The following ZNF716 variants were observed in gnomAD, a reference collection of about 807,000 sequenced individuals.
ZNF716 encodes zinc finger protein 716.
In ZNF716, 9 loss-of-function variants were observed where a neutral mutation model predicts 13.4. The observed-to-expected ratio is 0.67, with a 90% CI of 0.41 to 1.18. The LOEUF is 1.18. ZNF716 is among the 50% of genes most tolerant of loss of function. The pLI, the probability that ZNF716 is intolerant of heterozygous loss-of-function variation, is 0.01. For missense variants in ZNF716, 581 were observed against 576.6 expected (o/e 1.01, Z -0.08); for synonymous variants, 186 against 195.2 (o/e 0.95, Z 0.39).
chr7:57,458,147 C>T (rs1254486242), intron 1 of ZNF716, among the ~76,000 whole-genome samples: 1 of 152,148 alleles, frequency 6.6e-6, no homozygotes, highest in Admixed American at 6.5e-5. Context: ...GGTAGAATAA[C>T]TTACATTCAT....
chr7:57,463,844 T>C (rs1431671311), intron 3 of ZNF716, among the ~76,000 whole-genome samples: 4 of 152,054 alleles, frequency 2.6e-5, no homozygotes, highest in African/African-American at 9.7e-5. Flanking sequence ...TTGAAAAACA[T>C]TCATGATATT....
At chr7:57,458,245 T>C (rs1473395260) in intron 1 of ZNF716, among the ~76,000 whole-genome samples, 5 of 152,172 alleles carry the variant, frequency 3.3e-5, no homozygotes, top group Non-Finnish European at 5.9e-5. Flanking sequence ...CTTTTCTCAA[T>C]GTTTAAACAA....
At chr7:57,450,582 T>C (rs1393351614) in intron 1 of ZNF716, among the ~76,000 whole-genome samples, 1 of 152,096 alleles carries the variant, frequency 6.6e-6, no homozygotes, top group South Asian at 2.1e-4. Flanking sequence ...TGGGCAGCTC[T>C]ACACTCCCAG....
chr7:57,452,520 C>G (rs1554321714), intron 1 of ZNF716, among the ~76,000 whole-genome samples: 1 of 151,910 alleles, frequency 6.6e-6, no homozygotes, highest in African/African-American at 2.4e-5. Context: ...TGCCTGTAAT[C>G]CCAGCTACTC....
rs1554323447 is a variant in ZNF716, at chr7:57,463,164, C to A, written c.258C>A (p.His86Gln). Residue 86 changes from histidine (H) to glutamine (Q), a missense_variant, in exon 3 of 4, where the codon CAC becomes CAA. His to Gln is a conservative substitution (Grantham distance 24). Transcript: ENST00000420713. ...NIKRNEMVAK[H>Q]PVTCSHFTQD... ...AGAGAAATGAGATGGTAGCCAAACA[C>A]CCAGGTAGGTGAGAGCGAATGAAGC... is the stretch of plus-strand genomic sequence containing the variant. The A allele has an allele frequency of 6.2e-7, 1 of 1,607,312 alleles. No individual in the cohort carries two copies. Among genetic ancestry groups the A allele is most frequent in the Admixed American group, 1.7e-5 (1 of 59,914 alleles).
chr7:57,461,809 T>A (rs1789711919), intron 1 of ZNF716, among the ~76,000 whole-genome samples: 1 of 152,186 alleles, frequency 6.6e-6, no homozygotes, highest in African/African-American at 2.4e-5. Context: ...ATCATGAATG[T>A]TCTACCTGAG....
chr7:57,460,601 G>A (rs542771981), intron 1 of ZNF716, among the ~76,000 whole-genome samples: 2 of 151,488 alleles, frequency 1.3e-5, no homozygotes, highest in South Asian at 2.1e-4. Flanking sequence ...TCTTCATCTC[G>A]GGTTCTTGTA....
intron 3 of ZNF716, 27 bp from the exon 4 acceptor site, chr7:57,468,697 G>T: frequency 1.9e-6 from 3 of 1,579,606 alleles, no homozygotes; most frequent in Non-Finnish European, 2.6e-6. Flanking sequence ...AGTAAGTGGA[G>T]AAACTTGTGA....
rs142559520 is a variant in ZNF716 at position 57,456,465 on chromosome 7, T to C, written c.40-5995T>C. Among the ~76,000 whole-genome samples, 341 of 152,114 alleles carry C rather than the reference T, an allele frequency of 2.2e-3. 1 individual carries two copies. Among genetic ancestry groups the C allele is most frequent in the African/African-American group, 7.7e-3 (320 of 41,498 alleles). ...GATGAGACTGAGCTCTGAATTATGG[T>C]CTGTGCTGACTCCGGGTGGTATCAG... On this transcript the variant is annotated intron_variant, in intron 1 of 3. Transcript: ENST00000420713.
chr7:57,465,768 G>T (rs545171734), intron 3 of ZNF716, among the ~76,000 whole-genome samples: 36 of 152,244 alleles, frequency 2.4e-4, no homozygotes, highest in African/African-American at 8.4e-4. Flanking sequence ...CAATAGCGAA[G>T]ACTTGGAACT....
rs1554324489 is a variant in ZNF716, at chr7:57,468,701, C to T, written c.263-23C>T. The T allele has an allele frequency of 3.8e-6, 6 of 1,581,282 alleles. No individual in the cohort carries two copies. In the South Asian group the frequency reaches 7.1e-5, roughly 19 times the overall value. On this transcript the variant is annotated intron_variant, in intron 3 of 3. Transcript: ENST00000420713. ...TATCTGAGTGTAGTAAGTGGAGAAA[C>T]TTGTGATTTTTATGTCTTTCAGTTA...
At chr7:57,463,930 TTG>T (rs1438174080) in intron 3 of ZNF716, among the ~76,000 whole-genome samples, 3 of 152,040 alleles carry the variant, frequency 2.0e-5, no homozygotes, top group African/African-American at 7.2e-5. Context: ...TCAACATAGT[TTG>T]TGTTTTTAAA....
Position 57,462,445 on chromosome 7 carries a change from A to AT in ZNF716, c.40-9dup, listed in dbSNP as rs782770889. On this transcript the variant is annotated splice_polypyrimidine_tract_variant and intron_variant, in intron 1 of 3. Coordinates refer to ENST00000420713, the MANE Select transcript of ZNF716 (RefSeq NM_001159279.1). ...TCATGAGTGTTTTTTTTGTTTGTTT[A>AT]TTTTTTGTTTTTAGGGACTGTTGAC... 1 of 1,611,124 alleles carries AT rather than the reference A, an allele frequency of 6.2e-7. No individual in the cohort carries two copies. Among genetic ancestry groups the AT allele is most frequent in the Non-Finnish European group, 8.5e-7 (1 of 1,178,664 alleles).
rs1215245554 is a variant in ZNF716 at position 57,470,892 on chromosome 7, A to T, written c.*943A>T. ...TGGTGAAAAACTCTAGAAATGTGTT[A>T]AATGAGGTAAGTCCTTTAAATGGTA... On this transcript the variant is annotated 3_prime_UTR_variant, in exon 4 of 4. Transcript: ENST00000420713. The T allele has an allele frequency of 6.6e-6, 1 of 152,206 alleles. No homozygotes were observed. The highest frequency in any genetic ancestry group is 1.5e-5 in the Non-Finnish European group (1 of 68,034). The allele number at this position is 152,206 out of a possible 1,614,324, so 9.4% of individuals were successfully genotyped here.
In ZNF716 at chr7:57,455,160, T is replaced by C. The variant is rs1359867104; in HGVS notation, c.39+4833T>C. On this transcript the variant is annotated intron_variant, in intron 1 of 3. Coordinates refer to ENST00000420713, the MANE Select transcript of ZNF716 (RefSeq NM_001159279.1). ...AAACAAGTTTAGAAAGAGGATGAAG[T>C]AAGAATGGTATGATAGAAGGGGGCA... Among the ~76,000 whole-genome samples, 3 of 152,016 alleles carry C rather than the reference T, an allele frequency of 2.0e-5. No homozygotes were observed. In the East Asian group the frequency reaches 5.8e-4, roughly 29 times the overall value.
rs781861274 is a variant in ZNF716, at chr7:57,469,330, A to C, written c.869A>C (p.His290Pro). ...RSTLTNYKRI[H>P]TGEKPYTCEE... Reference sequence around the variant, plus strand: ...ACACTTACTAACTACAAGAGAATTCATACTGGAGAGAAACCCTACACATGT... The same window carrying C: ...ACACTTACTAACTACAAGAGAATTCCTACTGGAGAGAAACCCTACACATGT... Residue 290 changes from histidine to proline, a missense_variant, in exon 4 of 4, where the codon CAT becomes CCT. Coordinates refer to ENST00000420713, the MANE Select transcript of ZNF716 (RefSeq NM_001159279.1). 6.2e-7 allele frequency: 1 copy of C among 1,613,606 alleles called. No individual in the cohort carries two copies. The highest frequency in any genetic ancestry group is 2.2e-5 in the East Asian group (1 of 44,830).
intron 3 of ZNF716, among the ~76,000 whole-genome samples, chr7:57,466,862 A>G (rs558597101): frequency 1.2e-3 from 183 of 151,986 alleles, no homozygotes; most frequent in African/African-American, 4.2e-3. Context: ...ATTTCTGTCA[A>G]TATTTGCTGT....
At chr7:57,466,804 G>C (rs1329905426) in intron 3 of ZNF716, among the ~76,000 whole-genome samples, 1 of 151,748 alleles carries the variant, frequency 6.6e-6, no homozygotes, top group East Asian at 1.9e-4. Context: ...TGTTGAAAAT[G>C]AGATCTTAAT....
intron 1 of ZNF716, among the ~76,000 whole-genome samples, chr7:57,454,257 T>C (rs1461768005): frequency 1.3e-5 from 2 of 152,246 alleles, no homozygotes; most frequent in African/African-American, 4.8e-5. Flanking sequence ...AAATGATATG[T>C]GTATTGTCTG....
Sources: allele counts gnomAD v4.1 joint callset (sites outside exome capture counted in the v4.1 genomes callset), GRCh38; gene constraint gnomAD v4.1.1; transcripts MANE v1.5; gene names NCBI Gene and HGNC (gene_info 2026-07-23, HGNC 2026-07-21).